The following EMC1 variants were observed in gnomAD, a reference collection of about 807,000 sequenced individuals.
EMC1 encodes KIAA0090.
In EMC1, 103 loss-of-function variants were observed where a neutral mutation model predicts 128.8. That is an observed-to-expected ratio of 0.80 (90% CI 0.68 to 0.94). The LOEUF is 0.94. Among genes scored for constraint, EMC1 ranks in the 40% least tolerant of loss-of-function variants. EMC1 has a pLI of 0.00. For missense variants in EMC1, 1,083 were observed against 1,250.6 expected (o/e 0.87, Z 2.02); for synonymous variants, 442 against 490.4 (o/e 0.90, Z 1.30).
Position 19,240,343 on chromosome 1 carries a change from G to C in EMC1, c.740C>G (p.Thr247Ser). 6.2e-7 allele frequency: 1 copy of C among 1,614,210 alleles called. No homozygotes were observed. The highest frequency in any genetic ancestry group is 8.5e-7 in the Non-Finnish European group (1 of 1,180,034). ...CTCCCATTCCGTCTCCAGAGCCAAA[G>C]TTTGGAGGGAACGTGAGCTCGGGTC... The part of the protein sequence containing the change: ...CPDPSSRSLQ[T>S]LALETEWELR... Residue 247 changes from threonine (T) to serine (S), a missense_variant, in exon 7 of 23, where the codon ACT (threonine) becomes AGT (serine). Coordinates refer to ENST00000477853, the MANE Select transcript of EMC1 (RefSeq NM_015047.3).
At chr1:19,225,953 T>C (rs1462171934) in intron 18 of EMC1, among the ~76,000 whole-genome samples, 1 of 152,122 alleles carries the variant, frequency 6.6e-6, no homozygotes, top group Non-Finnish European at 1.5e-5. Context: ...CCCATTATAC[T>C]GGGGAAAATT....
rs1327088907 is a variant in EMC1, at chr1:19,242,272, G to A, written c.509+73C>T. 5.2e-6 allele frequency: 8 copies of A among 1,548,702 alleles called. No homozygotes were observed. The African/African-American group carries it at 9.5e-5, about 18-fold the overall frequency. The stretch of plus-strand genomic sequence containing the variant: ...GCCTGGGTTAAAGCAAATGCTTCGG[G>A]TCCCTCGAGGAGAAAGAGGAGCTCC... On this transcript the variant is annotated intron_variant, in intron 5 of 22. Coordinates refer to ENST00000477853, the MANE Select transcript of EMC1 (RefSeq NM_015047.3).
In EMC1 at chr1:19,216,891, AT is replaced by A. The variant is rs2093400166; in HGVS notation, c.*2411del. 6.6e-6 allele frequency: 1 copy of A among 151,836 alleles called. No homozygotes were observed. Among genetic ancestry groups the A allele is most frequent in the Non-Finnish European group, 1.5e-5 (1 of 68,036 alleles). The allele number at this position is 151,836 out of a possible 1,614,324, so 9.4% of individuals were successfully genotyped here. On this transcript the variant is annotated 3_prime_UTR_variant, in exon 23 of 23. Transcript: ENST00000477853. ...TATTTTTTGTAGATAGAGTCTTGCT[AT>A]GTTGCCCAGGCTGGTCTGGAACTCC...
In EMC1 at chr1:19,243,957, G is replaced by A. The variant is rs374628917; in HGVS notation, c.279C>T (p.His93=). The A allele has an allele frequency of 7.8e-5, 126 of 1,613,984 alleles. 1 individual carries two copies. In the Middle Eastern group the frequency reaches 1.2e-3, roughly 15 times the overall value. Residue 93 remains histidine, a synonymous_variant, in exon 3 of 23, where the codon CAC becomes CAT. Transcript: ENST00000477853. ...AEGAVDAMLL[H]GQDVITVSNG... is the part of the protein sequence containing the mutation. ...CGGGAGGACTCTGCTTACCCTGTCC[G>A]TGCAGCAGCATGGCATCCACAGCCC...
At chr1:19,240,919 A>G in intron 6 of EMC1, 97 bp downstream of exon 6, 2 of 1,428,228 alleles carry the variant, frequency 1.4e-6, no homozygotes, top group South Asian at 1.3e-5. Flanking sequence ...TAGCTTTTGC[A>G]TCTGCCCAGC....
Position 19,239,847 on chromosome 1 carries a change from T to A in EMC1, c.925A>T (p.Thr309Ser). 1 of 1,613,944 alleles carries A rather than the reference T, an allele frequency of 6.2e-7. No homozygotes were observed. Among genetic ancestry groups the A allele is most frequent in the South Asian group, 1.1e-5 (1 of 91,038 alleles). ...HYALLQYHYG[T>S]LSLLKNFPQT... Reference sequence around the variant, plus strand: ...GGGAAGTTTTTAAGCAAACTCAGCGTTCCATAATGGTACTGCAGCAGAGCA... The same window carrying A: ...GGGAAGTTTTTAAGCAAACTCAGCGATCCATAATGGTACTGCAGCAGAGCA... Residue 309 changes from threonine to serine, a missense_variant, in exon 8 of 23, where the codon ACG becomes TCG. Coordinates refer to ENST00000477853, the MANE Select transcript of EMC1 (RefSeq NM_015047.3).
Position 19,248,494 on chromosome 1 carries a change from A to T in EMC1, c.95+2921T>A, listed in dbSNP as rs185913764. Among the ~76,000 whole-genome samples, 7 of 152,210 alleles carry T rather than the reference A, an allele frequency of 4.6e-5. No individual in the cohort carries two copies. The East Asian group carries it at 1.4e-3, about 29-fold the overall frequency. ...GAGTGCAGTGGCGTGATCTCAACTC[A>T]CTGCAACCTCCGTCTCCCAGGTTCA... is the stretch of plus-strand genomic sequence containing the variant. On this transcript the variant is annotated intron_variant, in intron 1 of 22. Coordinates refer to ENST00000477853, the MANE Select transcript of EMC1 (RefSeq NM_015047.3).
intron 18 of EMC1, 31 bp downstream of exon 18, chr1:19,227,282 T>C: frequency 6.2e-7 from 1 of 1,613,112 alleles, no homozygotes; most frequent in East Asian, 2.2e-5. Flanking sequence ...CGAAAGCCCT[T>C]GCTGTAGACC....
chr1:19,242,687 C>G (rs945449325), intron 4 of EMC1, among the ~76,000 whole-genome samples: 4 of 152,208 alleles, frequency 2.6e-5, no homozygotes, highest in African/African-American at 9.7e-5. Context: ...TCCCTGAAAC[C>G]ATCTGTATCT....
intron 21 of EMC1, 185 bp from the exon 22 acceptor site, chr1:19,219,883 G>GC (rs140097250): frequency 0.12 from 70,754 of 600,208 alleles, 4,673 homozygotes; most frequent in Non-Finnish European, 0.14. Flanking sequence ...AAGAAAGGAA[G>GC]CTCTCTGGAG....
chr1:19,239,537 C>T, intron 8 of EMC1: 1 of 585,794 alleles, frequency 1.7e-6, no homozygotes, highest in East Asian at 2.8e-5. Context: ...TCCCATGCTG[C>T]TTGTTCTTAC....
chr1:19,245,076 A>G (rs1181520981), intron 1 of EMC1, 46 bp from the exon 2 acceptor site: 1 of 1,604,548 alleles, frequency 6.2e-7, no homozygotes, highest in Non-Finnish European at 8.5e-7. Context: ...TAAAATCACC[A>G]TTCCACAAAA....
At chr1:19,237,275 G>A (rs761835747) in intron 11 of EMC1, 37 bp from the exon 12 acceptor site, 2 of 1,474,030 alleles carry the variant, frequency 1.4e-6, no homozygotes, top group Non-Finnish European at 1.9e-6. Flanking sequence ...AGTCAGTGAG[G>A]ATCCAAATGC....
Position 19,223,511 on chromosome 1 carries a change from C to T in EMC1, c.2261G>A (p.Arg754His), listed in dbSNP as rs971300635. 6.2e-6 allele frequency: 10 copies of T among 1,614,002 alleles called. No homozygotes were observed. In the African/African-American group the frequency reaches 1.1e-4, roughly 17 times the overall value. ...VTESTDAHHE[R>H]TFIGIFLIDG... ...AATGAGGAAGATGCCAATAAAGGTGCGCTCATGGTGCGCGTCTGTGCTCTC... is the reference window on the plus strand; with the variant it reads ...AATGAGGAAGATGCCAATAAAGGTGTGCTCATGGTGCGCGTCTGTGCTCTC... Residue 754 changes from arginine (R) to histidine (H), a missense_variant, in exon 19 of 23, where the codon CGC (arginine) becomes CAC (histidine). By Grantham distance (29) the Arg-to-His change is conservative (BLOSUM62 0). Around this residue, in one of 3 missense-constraint regions of EMC1, gnomAD observed 527 missense variants for 644.1 expected, o/e 0.82. Transcript: ENST00000477853.
chr1:19,242,099 G>A (rs1260552738), intron 5 of EMC1, among the ~76,000 whole-genome samples: 1 of 152,084 alleles, frequency 6.6e-6, no homozygotes, highest in African/African-American at 2.4e-5. Flanking sequence ...AGTGGCTCCC[G>A]TAGCATGGCT....
At chr1:19,237,610 T>C (rs1221192539) in intron 11 of EMC1, among the ~76,000 whole-genome samples, 1 of 152,092 alleles carries the variant, frequency 6.6e-6, no homozygotes, top group Non-Finnish European at 1.5e-5. Context: ...ACAGAGGCAA[T>C]ACTGGGTAGT....
chr1:19,229,989 CCA>C (rs2093507620), intron 17 of EMC1, among the ~76,000 whole-genome samples: 1 of 152,206 alleles, frequency 6.6e-6, no homozygotes, highest in Non-Finnish European at 1.5e-5. Flanking sequence ...TGAGTACACA[CCA>C]CAGAGTACTT....
At position 19,236,984 on chromosome 1, in the gene EMC1, A is replaced by G. The variant is rs183326129; in HGVS notation, c.1309+158T>C. Reference sequence around the variant, plus strand: ...CTCTATCTCAAAAAAAAAAAAAAAAAAAAAAAAGCAGGTGACATTTGGCTA... The same window carrying G: ...CTCTATCTCAAAAAAAAAAAAAAAAGAAAAAAAGCAGGTGACATTTGGCTA... On this transcript the variant is annotated intron_variant, in intron 12 of 22. Coordinates refer to ENST00000477853, the MANE Select transcript of EMC1 (RefSeq NM_015047.3). Among the ~76,000 whole-genome samples the G allele has an allele frequency of 6.3e-3, 956 of 151,728 alleles. 13 individuals carry two copies. Among genetic ancestry groups the G allele is most frequent in the South Asian group, 0.029 (137 of 4,806 alleles).
chr1:19,229,035 C>T (rs2093500017), intron 17 of EMC1, among the ~76,000 whole-genome samples: 2 of 152,146 alleles, frequency 1.3e-5, no homozygotes, highest in Admixed American at 6.5e-5. Context: ...CAGAGCGAGA[C>T]TCTGTCTCTA....
Sources: allele counts gnomAD v4.1 joint callset (sites outside exome capture counted in the v4.1 genomes callset), GRCh38; gene constraint gnomAD v4.1.1; regional missense constraint gnomAD v4.1.1; transcripts MANE v1.5; gene names NCBI Gene and HGNC (gene_info 2026-07-23, HGNC 2026-07-21).